The following ACAP1 variants were observed in gnomAD, a reference collection of about 807,000 sequenced individuals.
ACAP1 encodes the protein ArfGAP with coiled-coil, ankyrin repeat and PH domains 1, also known as arf-GAP with coiled-coil, ANK repeat and PH domain-containing protein 1.
Under a neutral mutation model 98.8 loss-of-function variants are expected in ACAP1, and 45 were observed. The ratio of observed to expected loss-of-function variants is 0.46; its 90% CI spans 0.36 to 0.58. ACAP1 has a LOEUF of 0.58. Ranked by LOEUF, ACAP1 falls within the 20% of genes least tolerant of loss-of-function variation. The pLI is 0.00. For missense variants in ACAP1, 735 were observed against 971.4 expected (o/e 0.76, Z 3.24); for synonymous variants, 362 against 375.3 (o/e 0.96, Z 0.41).
At chr17:7,347,779 C>T (rs908457505) in intron 14 of ACAP1, 143 bp from the exon 15 acceptor site, 5 of 665,952 alleles carry the variant, frequency 7.5e-6, no homozygotes, top group South Asian at 3.4e-5. Context: ...GTTACATGGC[C>T]GCAGCTGCCC....
chr17:7,350,358 A>G lies in ACAP1; in HGVS notation c.2072+121A>G, dbSNP rs1002382333. ...AAGCCTGTGCTGTGGGGCCTCGGAA[A>G]GGGGCTGGGCCAGCGCCGGGGCCAG... On this transcript the variant is annotated intron_variant, in intron 20 of 21. Coordinates refer to ENST00000158762, the MANE Select transcript of ACAP1 (RefSeq NM_014716.4). The surrounding 1 kb of genome is among the most constrained non-coding windows in gnomAD (Gnocchi z 4.6). 2.8e-5 allele frequency: 20 copies of G among 724,636 alleles called. No homozygotes were observed. The highest frequency in any genetic ancestry group is 2.2e-4 in the African/African-American group (12 of 54,508). The allele number at this position is 724,636 out of a possible 1,614,324, so 44.9% of individuals were successfully genotyped here.
At position 7,337,223 on chromosome 17, in the gene ACAP1, T is replaced by G. The variant is rs1240925495; in HGVS notation, c.54-89T>G. 6 of 1,256,596 alleles carry G rather than the reference T, an allele frequency of 4.8e-6. No individual in the cohort carries two copies. The East Asian group carries it at 1.2e-4, about 24-fold the overall frequency. The allele number at this position is 1,256,596 out of a possible 1,614,324, so 77.8% of individuals were successfully genotyped here. On this transcript the variant is annotated intron_variant, in intron 1 of 21. Coordinates refer to ENST00000158762, the MANE Select transcript of ACAP1 (RefSeq NM_014716.4). ...CTCAACTCTGCAGCTTTCTCCTCCG[T>G]ACCCACCGCCCTGCGACTCCATCCC... is the stretch of plus-strand genomic sequence containing the variant.
rs1417337216 is a variant in ACAP1 at position 7,349,909 on chromosome 17, C to T, written c.1852-36C>T. Reference sequence around the variant, plus strand: ...ATCTTGAAATCCACCACTAGGGATGCCACCCTCAACCCCCCTTCTCGACTT... The same window carrying T: ...ATCTTGAAATCCACCACTAGGGATGTCACCCTCAACCCCCCTTCTCGACTT... On this transcript the variant is annotated intron_variant, in intron 18 of 21. Transcript: ENST00000158762. 2.6e-6 allele frequency: 4 copies of T among 1,518,556 alleles called. No individual in the cohort carries two copies. In the Admixed American group the frequency reaches 5.7e-5, roughly 21 times the overall value. 94.1% of individuals were successfully genotyped at this position (1,518,556 alleles called of 1,614,324 possible). A position where few individuals can be genotyped will look rare whatever the true frequency, so the allele number is the denominator to read the frequency against.
chr17:7,342,583 T>C (rs899885417), intron 5 of ACAP1, 109 bp downstream of exon 5: 38 of 1,210,256 alleles, frequency 3.1e-5, no homozygotes, highest in Non-Finnish European at 4.2e-5. Flanking sequence ...CTAGCCAACA[T>C]GGCGAAACTG....
In ACAP1 at chr17:7,344,610, C is replaced by G. The variant is rs2073329220; in HGVS notation, c.816C>G (p.Leu272=). The G allele has an allele frequency of 1.3e-5, 20 of 1,551,536 alleles. No homozygotes were observed. Among genetic ancestry groups the G allele is most frequent in the Non-Finnish European group, 1.7e-5 (20 of 1,146,964 alleles). ...GPGGLVMEGH[L]FKRASNAFKT... ...GTGGCCTGGTGATGGAAGGACATCT[C>G]TTCAAACGGGCCAGCAACGCATTTA... The change falls in exon 10 of 22, where the codon CTC becomes CTG. Residue 272 remains leucine (L), a synonymous_variant. Transcript: ENST00000158762. The surrounding 1 kb of genome is among the most constrained non-coding windows in gnomAD (Gnocchi z 4.9).
chr17:7,345,982 T>C (rs542829015), intron 10 of ACAP1: 2 of 449,240 alleles, frequency 4.5e-6, no homozygotes. Flanking sequence ...CAATAGACAT[T>C]TTATTAGAAA....
Position 7,342,278 on chromosome 17 carries a change from T to C in ACAP1, c.235T>C (p.Cys79Arg). The change falls in exon 4 of 22, where the codon TGT becomes CGT. Residue 79 changes from cysteine to arginine, a missense_variant. Physicochemically the swap from Cys to Arg is radical, Grantham distance 180. Coordinates refer to ENST00000158762, the MANE Select transcript of ACAP1 (RefSeq NM_014716.4). Reference protein sequence around the residue: ...LGPPEPMMAECLEKFTVSLNH... With the variant: ...LGPPEPMMAERLEKFTVSLNH... ...TTCTGTGCCTCTTCTTGCCTAGGAG[T>C]GTCTGGAAAAATTCACCGTGAGCCT... The C allele has an allele frequency of 6.2e-7, 1 of 1,613,420 alleles. No individual in the cohort carries two copies. The highest frequency in any genetic ancestry group is 8.5e-7 in the Non-Finnish European group (1 of 1,179,848).
chr17:7,342,790 C>T (rs1271515306), intron 5 of ACAP1: 1 of 405,100 alleles, frequency 2.5e-6, no homozygotes, highest in Non-Finnish European at 4.6e-6. Flanking sequence ...TGCCTGTAAT[C>T]CCAGCTACTC....
intron 2 of ACAP1, among the ~76,000 whole-genome samples, chr17:7,339,650 G>C (rs1220524071): frequency 6.6e-6 from 1 of 152,114 alleles, no homozygotes; most frequent in Non-Finnish European, 1.5e-5. Flanking sequence ...CCAAGACTCT[G>C]TCTCTAAATA....
intron 1 of ACAP1, 52 bp downstream of exon 1, chr17:7,336,839 A>G (rs1178822120): frequency 6.3e-7 from 1 of 1,579,860 alleles, no homozygotes; most frequent in African/African-American, 1.3e-5. Flanking sequence ...TAACACCCCC[A>G]GCACACACAC....
intron 2 of ACAP1, among the ~76,000 whole-genome samples, chr17:7,339,086 C>T (rs188636197): frequency 3.2e-3 from 480 of 150,856 alleles, no homozygotes; most frequent in Non-Finnish European, 4.7e-3. Context: ...GTCAGGAGAT[C>T]GAAACCATCC....
chr17:7,337,414 GA>G (rs1280973637), intron 2 of ACAP1, 45 bp downstream of exon 2: 1 of 1,549,082 alleles, frequency 6.5e-7, no homozygotes, highest in African/African-American at 1.4e-5. Flanking sequence ...ATTAGGTTGA[GA>G]GGGGTAGGGC....
chr17:7,337,865 G>A (rs1877584264), intron 2 of ACAP1, among the ~76,000 whole-genome samples: 1 of 151,322 alleles, frequency 6.6e-6, no homozygotes, highest in African/African-American at 2.4e-5. Context: ...AAAAAAAAAA[G>A]ACTTAATTTT....
In ACAP1 at chr17:7,350,254, G is replaced by T. The variant is rs569044211; in HGVS notation, c.2072+17G>T. On this transcript the variant is annotated intron_variant, in intron 20 of 21. Coordinates refer to ENST00000158762, the MANE Select transcript of ACAP1 (RefSeq NM_014716.4). This position sits in a 1 kb window ranked among gnomAD's most constrained non-coding sequence, Gnocchi z 4.6. ...CGTCACCCTGTAAGAATGCCTGAAGGGGCGGGGCTGGCGCTGGGACTCCCC... is the reference window on the plus strand; with the variant it reads ...CGTCACCCTGTAAGAATGCCTGAAGTGGCGGGGCTGGCGCTGGGACTCCCC... 5.0e-6 allele frequency: 8 copies of T among 1,607,774 alleles called. No homozygotes were observed. The South Asian group carries it at 6.6e-5, about 13-fold the overall frequency.
chr17:7,344,688 T>C lies in ACAP1; in HGVS notation c.854+40T>C. Reference sequence around the variant, plus strand: ...CCCCCAATCAGCCCGCCCCACCCAATGATGTATTTTCGAGTGGTAATAGCA... The same window carrying C: ...CCCCCAATCAGCCCGCCCCACCCAACGATGTATTTTCGAGTGGTAATAGCA... On this transcript the variant is annotated intron_variant, in intron 10 of 21. Transcript: ENST00000158762. The surrounding 1 kb of genome is among the most constrained non-coding windows in gnomAD (Gnocchi z 4.9). The C allele has an allele frequency of 1.4e-6, 2 of 1,460,356 alleles. No individual in the cohort carries two copies. The highest frequency in any genetic ancestry group is 1.4e-5 in the African/African-American group (1 of 71,224). The allele number at this position is 1,460,356 out of a possible 1,614,324, so 90.5% of individuals were successfully genotyped here. A position where few individuals can be genotyped will look rare whatever the true frequency, so the allele number is the denominator to read the frequency against.
chr17:7,351,011 A>G lies in ACAP1; in HGVS notation c.2122+12A>G. 1 of 1,613,260 alleles carries G rather than the reference A, an allele frequency of 6.2e-7. No individual in the cohort carries two copies. Among genetic ancestry groups the G allele is most frequent in the South Asian group, 1.1e-5 (1 of 91,058 alleles). ...CCAGGGGCAGGCAGGTAAAGAATAC[A>G]CCCACCCCACCCCCCAGGCCCAACA... On this transcript the variant is annotated intron_variant, in intron 21 of 21. Coordinates refer to ENST00000158762, the MANE Select transcript of ACAP1 (RefSeq NM_014716.4).
Position 7,336,778 on chromosome 17 carries a change from C to A in ACAP1, c.44C>A (p.Pro15His). The A allele has an allele frequency of 6.2e-7, 1 of 1,613,906 alleles. No individual in the cohort carries two copies. The highest frequency in any genetic ancestry group is 8.5e-7 in the Non-Finnish European group (1 of 1,179,854). Residue 15 changes from proline to histidine, a missense_variant, in exon 1 of 22, where the codon CCC becomes CAC. By Grantham distance (77) the Pro-to-His change is moderately conservative (BLOSUM62 -2). Coordinates refer to ENST00000158762, the MANE Select transcript of ACAP1 (RefSeq NM_014716.4). ...LDFEECLKDS[P>H]RFRASIELVE... is the part of the protein sequence containing the mutation. ...TTCGAGGAGTGTCTCAAGGACTCAC[C>A]CCGTTTCCGGTAAGTGTGAACTGGT... is the stretch of plus-strand genomic sequence containing the variant.
At chr17:7,340,683 A>G (rs548227429) in intron 2 of ACAP1, among the ~76,000 whole-genome samples, 1 of 152,260 alleles carries the variant, frequency 6.6e-6, no homozygotes, top group South Asian at 2.1e-4. Context: ...CGTCTCTACT[A>G]AAAATACAAA....
At chr17:7,351,115 C>A in intron 21 of ACAP1, 116 bp downstream of exon 21, 1 of 1,194,346 alleles carries the variant, frequency 8.4e-7, no homozygotes, top group Non-Finnish European at 1.2e-6. Context: ...TTAACAAATG[C>A]GTATTGGGCG....
Sources: allele counts gnomAD v4.1 joint callset (sites outside exome capture counted in the v4.1 genomes callset), GRCh38; gene constraint gnomAD v4.1.1; non-coding constraint Gnocchi (gnomAD v3.1); transcripts MANE v1.5; gene names NCBI Gene and HGNC (gene_info 2026-07-23, HGNC 2026-07-21).